RPRD1B: variants seen among roughly 807,000 people sequenced by gnomAD.
RPRD1B encodes regulation of nuclear pre-mRNA domain containing 1B.
Under a neutral mutation model 41.5 loss-of-function variants are expected in RPRD1B, and 11 were observed. The observed-to-expected ratio is 0.27, with a 90% CI of 0.17 to 0.44. RPRD1B has a LOEUF of 0.44. Among genes scored for constraint, RPRD1B ranks in the 20% least tolerant of loss-of-function variants. The pLI, the probability that RPRD1B is intolerant of heterozygous loss-of-function variation, is 1.00. For synonymous variants in RPRD1B, 158 were observed against 155.6 expected (o/e 1.02, Z -0.12); for missense variants, 248 against 389.9 (o/e 0.64, Z 3.06).
intron 6 of RPRD1B, among the ~76,000 whole-genome samples, chr20:38,072,589 G>A (rs1262822797): frequency 6.6e-6 from 1 of 152,156 alleles, no homozygotes; most frequent in Non-Finnish European, 1.5e-5. Context: ...TGAGTCTGCG[G>A]GTCACTTTGG....
intron 6 of RPRD1B, among the ~76,000 whole-genome samples, chr20:38,080,725 A>G (rs911725601): frequency 6.6e-6 from 1 of 152,090 alleles, no homozygotes; most frequent in African/African-American, 2.4e-5. Context: ...GGGTTTCCCC[A>G]TGTTGGCCAG....
At chr20:38,071,064 T>C (rs1025536995) in intron 6 of RPRD1B, among the ~76,000 whole-genome samples, 1 of 152,198 alleles carries the variant, frequency 6.6e-6, no homozygotes, top group Non-Finnish European at 1.5e-5. Context: ...TCATGGTGTC[T>C]GACTGTCAGC....
intron 6 of RPRD1B, among the ~76,000 whole-genome samples, chr20:38,077,633 A>T (rs778453993): frequency 3.3e-5 from 5 of 151,680 alleles, no homozygotes; most frequent in Non-Finnish European, 7.4e-5. Flanking sequence ...CTCCCTCTCA[A>T]TTTTTCATGA....
intron 5 of RPRD1B, among the ~76,000 whole-genome samples, chr20:38,064,878 C>T (rs889938424): frequency 2.0e-5 from 3 of 151,332 alleles, no homozygotes; most frequent in Non-Finnish European, 2.9e-5. Flanking sequence ...CCCAGCTACT[C>T]GGGAGGCTGA....
chr20:38,091,611 G>T lies in RPRD1B; in HGVS notation c.*1736G>T, dbSNP rs1568667235. 6.1e-6 allele frequency: 6 copies of T among 985,444 alleles called. No homozygotes were observed. The highest frequency in any genetic ancestry group is 7.2e-6 in the Non-Finnish European group (6 of 830,096). The allele number at this position is 985,444 out of a possible 1,614,324, so 61.0% of individuals were successfully genotyped here. On this transcript the variant is annotated 3_prime_UTR_variant, in exon 7 of 7. Transcript: ENST00000373433. ...TGCAAGATAAATTGTAATCTTTGCT[G>T]CTGCTGCACTCCCCAACCTCTCCCC...
chr20:38,066,867 G>T (rs979028109), intron 6 of RPRD1B, among the ~76,000 whole-genome samples: 1 of 152,108 alleles, frequency 6.6e-6, no homozygotes, highest in African/African-American at 2.4e-5. Context: ...ATGTTAGCCA[G>T]GATAGTCTTG....
chr20:38,054,461 A>G (rs1360945608), intron 3 of RPRD1B, among the ~76,000 whole-genome samples: 2 of 152,206 alleles, frequency 1.3e-5, no homozygotes, highest in Non-Finnish European at 2.9e-5. Context: ...CGTGAGCAAC[A>G]GTGTGAAGTG....
intron 1 of RPRD1B, among the ~76,000 whole-genome samples, chr20:38,038,335 C>A (rs1047025097): frequency 7.1e-6 from 1 of 141,160 alleles, no homozygotes. Flanking sequence ...GAGACGGAGT[C>A]TCTTACTCTG....
At position 38,063,472 on chromosome 20, in the gene RPRD1B, G is replaced by A. The variant is rs1233000126; in HGVS notation, c.656-2609G>A. Among the ~76,000 whole-genome samples, 3 of 152,186 alleles carry A rather than the reference G, an allele frequency of 2.0e-5. No homozygotes were observed. The East Asian group carries it at 5.8e-4, about 29-fold the overall frequency. ...ACTAATTGGAAGGTTTTGAGCAGAG[G>A]ATTGGTGGGCATAAAGCCCGATTGG... On this transcript the variant is annotated intron_variant, in intron 5 of 6. Transcript: ENST00000373433.
At chr20:38,084,419 A>T (rs2074542470) in intron 6 of RPRD1B, among the ~76,000 whole-genome samples, 1 of 152,298 alleles carries the variant, frequency 6.6e-6, no homozygotes, top group African/African-American at 2.4e-5. Context: ...CAAGAAGGAA[A>T]ATAGGTTTAA....
intron 6 of RPRD1B, 111 bp from the exon 7 acceptor site, chr20:38,089,611 AGGCT>A: frequency 1.3e-6 from 1 of 787,744 alleles, no homozygotes; most frequent in Non-Finnish European, 2.1e-6. Flanking sequence ...CAGGGTGGGC[AGGCT>A]GGTGGGGACA....
intron 2 of RPRD1B, 106 bp downstream of exon 2, chr20:38,040,670 T>C (rs992080931): frequency 9.5e-6 from 12 of 1,268,892 alleles, no homozygotes; most frequent in African/African-American, 9.1e-5. Flanking sequence ...CTTCCTACTT[T>C]ACAGAGAGTT....
At chr20:38,057,482 T>TA (rs1215219707) in intron 3 of RPRD1B, 50 bp from the exon 4 acceptor site, 1 of 1,324,818 alleles carries the variant, frequency 7.5e-7, no homozygotes, top group Non-Finnish European at 1.1e-6. Context: ...GCATGTGACT[T>TA]ATCACTACAG....
chr20:38,050,433 G>A (rs1441492958), intron 3 of RPRD1B, among the ~76,000 whole-genome samples: 3 of 152,194 alleles, frequency 2.0e-5, no homozygotes, highest in African/African-American at 4.8e-5. Flanking sequence ...GAGGTCTTCA[G>A]TACAGCTTTG....
At chr20:38,056,932 C>G (rs1486576910) in intron 3 of RPRD1B, among the ~76,000 whole-genome samples, 1 of 152,170 alleles carries the variant, frequency 6.6e-6, no homozygotes, top group African/African-American at 2.4e-5. Context: ...GCAGATAGAT[C>G]ATAAATAATG....
At position 38,090,011 on chromosome 20, in the gene RPRD1B, C is replaced by A. The variant is rs545504147; in HGVS notation, c.*136C>A. 3.4e-6 allele frequency: 5 copies of A among 1,449,692 alleles called. No individual in the cohort carries two copies. Among genetic ancestry groups the A allele is most frequent in the Non-Finnish European group, 4.5e-6 (5 of 1,105,744 alleles). 89.8% of individuals were successfully genotyped at this position (1,449,692 alleles called of 1,614,324 possible). On this transcript the variant is annotated 3_prime_UTR_variant, in exon 7 of 7. Coordinates refer to ENST00000373433, the MANE Select transcript of RPRD1B (RefSeq NM_021215.4). ...CCCAGCCTCAAGAAAGAACCTCAGA[C>A]TCTGATTCTCCTCTTCAGCCTCTCA...
At chr20:38,083,498 C>T (rs944942183) in intron 6 of RPRD1B, among the ~76,000 whole-genome samples, 2 of 152,082 alleles carry the variant, frequency 1.3e-5, no homozygotes, top group African/African-American at 4.8e-5. Context: ...TCCGCATGTC[C>T]CTATGAGATC....
At chr20:38,074,586 T>G (rs2074441900) in intron 6 of RPRD1B, among the ~76,000 whole-genome samples, 1 of 152,212 alleles carries the variant, frequency 6.6e-6, no homozygotes. Context: ...GTGTAACCCC[T>G]GCTTGATGGA....
At chr20:38,057,167 A>G (rs748251464) in intron 3 of RPRD1B, among the ~76,000 whole-genome samples, 4 of 151,908 alleles carry the variant, frequency 2.6e-5, no homozygotes, top group Non-Finnish European at 5.9e-5. Flanking sequence ...AGCATAACGT[A>G]TCTCATTTTA....
Sources: allele counts gnomAD v4.1 joint callset (sites outside exome capture counted in the v4.1 genomes callset), GRCh38; gene constraint gnomAD v4.1.1; transcripts MANE v1.5; gene names NCBI Gene and HGNC (gene_info 2026-07-23, HGNC 2026-07-21).